The following ADD2 variants were observed in gnomAD, a reference collection of about 807,000 sequenced individuals.
ADD2 encodes adducin 2, also known as beta-adducin.
ADD2 carries 23 observed loss-of-function variants against 83.0 expected under a neutral mutation model. That is an observed-to-expected ratio of 0.28 (90% confidence interval 0.20 to 0.39). The LOEUF (loss-of-function observed/expected upper bound fraction) is 0.39. Among genes scored for constraint, ADD2 ranks in the 10% least tolerant of loss-of-function variants. ADD2 has a pLI of 1.00. For synonymous variants in ADD2, 375 were observed against 375.4 expected (o/e 1.00, Z 0.01); for missense variants, 758 against 944.9 (o/e 0.80, Z 2.59).
chr2:70,690,579 C>T (rs114368614), intron 8 of ADD2, among the ~76,000 whole-genome samples: 1 of 152,094 alleles, frequency 6.6e-6, no homozygotes, highest in South Asian at 2.1e-4. Flanking sequence ...TGAGGGAAAA[C>T]AACTTATTTT....
At chr2:70,755,460 T>G (rs1674722907) in intron 1 of ADD2, among the ~76,000 whole-genome samples, 1 of 152,234 alleles carries the variant, frequency 6.6e-6, no homozygotes, top group Admixed American at 6.5e-5. Context: ...TATCAATGCT[T>G]GAACCTGTTT....
chr2:70,672,888 CT>C lies in ADD2; in HGVS notation c.1859del (p.Lys620SerfsTer3). 1 of 1,612,528 alleles carries C rather than the reference CT, an allele frequency of 6.2e-7. No homozygotes were observed. Among genetic ancestry groups the C allele is most frequent in the Non-Finnish European group, 8.5e-7 (1 of 1,179,484 alleles). On this transcript the variant is annotated frameshift_variant, in exon 15 of 16. Transcript: ENST00000264436. LOFTEE classifies it high-confidence loss of function. ...ETKSPLVSPS[K>X]SLEEGTKKTE... ...CTCAGCTGGACTCACCCTCTAAAGA[CT>C]TGGAAGGAGAGACTAAAGGGCTCTT...
intron 1 of ADD2, among the ~76,000 whole-genome samples, chr2:70,748,136 T>C (rs1674325717): frequency 6.6e-6 from 1 of 152,122 alleles, no homozygotes; most frequent in Admixed American, 6.5e-5. Context: ...AACCTCCATA[T>C]AGTTTTTCTC....
At chr2:70,755,831 T>G (rs534125762) in intron 1 of ADD2, among the ~76,000 whole-genome samples, 146 of 151,716 alleles carry the variant, frequency 9.6e-4, no homozygotes, top group African/African-American at 3.2e-3. Context: ...GAGGCCGAGG[T>G]GGGCAGATCA....
intron 1 of ADD2, among the ~76,000 whole-genome samples, chr2:70,737,279 T>A (rs1224560653): frequency 1.3e-5 from 2 of 152,216 alleles, no homozygotes; most frequent in Admixed American, 6.5e-5. Flanking sequence ...TGCACAAGTA[T>A]GTTTATTGTG....
chr2:70,718,894 T>A (rs782705551), intron 1 of ADD2, among the ~76,000 whole-genome samples: 5 of 152,176 alleles, frequency 3.3e-5, no homozygotes, highest in African/African-American at 1.2e-4. Context: ...GGAATGGACA[T>A]CAGCAAGTGG....
intron 1 of ADD2, among the ~76,000 whole-genome samples, chr2:70,751,147 T>C (rs1674487232): frequency 6.6e-6 from 1 of 152,210 alleles, no homozygotes; most frequent in South Asian, 2.1e-4. Context: ...GCTTCATGTG[T>C]CTGATTTCTA....
Position 70,658,543 on chromosome 2 carries a change from CTT to C in ADD2, c.*4880_*4881del, listed in dbSNP as rs1361159177. ...AACAGATGATAGGCTGCCTCACTGGCTTTTAGATTGTAGGGTGCCCTGTCCTT... is the reference window on the plus strand; with the variant it reads ...AACAGATGATAGGCTGCCTCACTGGCTTAGATTGTAGGGTGCCCTGTCCTT... On this transcript the variant is annotated 3_prime_UTR_variant, in exon 16 of 16. Coordinates refer to ENST00000264436, the MANE Select transcript of ADD2 (RefSeq NM_001617.4). 1 of 152,186 alleles carries C rather than the reference CTT, an allele frequency of 6.6e-6. No individual in the cohort carries two copies. Among genetic ancestry groups the C allele is most frequent in the African/African-American group, 2.4e-5 (1 of 41,434 alleles). The allele number at this position is 152,186 out of a possible 1,614,324, so 9.4% of individuals were successfully genotyped here.
chr2:70,764,719 G>T (rs1384733374), intron 1 of ADD2, among the ~76,000 whole-genome samples: 1 of 151,810 alleles, frequency 6.6e-6, no homozygotes, highest in South Asian at 2.1e-4. Context: ...AGGAGGTCCC[G>T]GCTACAGGGA....
rs1217819196 is a variant in ADD2 at position 70,768,089 on chromosome 2, C to T, written c.-357G>A. 2.0e-6 allele frequency: 2 copies of T among 990,976 alleles called. No homozygotes were observed. The highest frequency in any genetic ancestry group is 3.3e-5 in the African/African-American group (2 of 60,670). The allele number at this position is 990,976 out of a possible 1,614,324, so 61.4% of individuals were successfully genotyped here. Reference sequence around the variant, plus strand: ...AGCGGCTCCGCGGCGGCGGGGATGACTGGCCACCGACGCCGCAGTTCCTTG... The same window carrying T: ...AGCGGCTCCGCGGCGGCGGGGATGATTGGCCACCGACGCCGCAGTTCCTTG... On this transcript the variant is annotated 5_prime_UTR_variant, in exon 1 of 16. Transcript: ENST00000264436.
chr2:70,729,739 T>C (rs1168182681), intron 1 of ADD2, among the ~76,000 whole-genome samples: 4 of 152,200 alleles, frequency 2.6e-5, no homozygotes, highest in Non-Finnish European at 5.9e-5. Context: ...GTTCCAGTCC[T>C]TTACACTTTC....
At chr2:70,705,527 AC>A (rs1671841765) in intron 3 of ADD2, among the ~76,000 whole-genome samples, 1 of 151,818 alleles carries the variant, frequency 6.6e-6, no homozygotes, top group East Asian at 1.9e-4. Context: ...CCTCAGTCAG[AC>A]CCCTCTTGCC....
At chr2:70,696,147 C>T in intron 5 of ADD2, 98 bp downstream of exon 5, 1 of 1,473,218 alleles carries the variant, frequency 6.8e-7, no homozygotes, top group Non-Finnish European at 9.2e-7. Flanking sequence ...CAAAGGTCAC[C>T]AGCAGTGCCA....
At chr2:70,684,237 G>A (rs1553370146) in intron 9 of ADD2, among the ~76,000 whole-genome samples, 1 of 151,774 alleles carries the variant, frequency 6.6e-6, no homozygotes, top group East Asian at 1.9e-4. Context: ...CTGTATGTTT[G>A]AAATATCTCC....
intron 14 of ADD2, among the ~76,000 whole-genome samples, chr2:70,674,465 A>T (rs1380156109): frequency 2.6e-5 from 4 of 152,158 alleles, no homozygotes; most frequent in African/African-American, 9.7e-5. Context: ...ACAAGTATTA[A>T]CTCCTTTATG....
At chr2:70,677,027 G>T (rs1553368496) in intron 12 of ADD2, 142 bp from the exon 13 acceptor site, 1 of 1,345,034 alleles carries the variant, frequency 7.4e-7, no homozygotes, top group Non-Finnish European at 9.8e-7. Context: ...TGCAATCCTT[G>T]TACTTTAAGG....
rs114207996 is a variant in ADD2 at position 70,755,393 on chromosome 2, C to G, written c.-154+12493G>C. On this transcript the variant is annotated intron_variant, in intron 1 of 15. Coordinates refer to ENST00000264436, the MANE Select transcript of ADD2 (RefSeq NM_001617.4). ...CCCAAAAGAGCCTTCCCTGACCACT[C>G]TGGCTAAAGCAGCCTCCTCCCTCAG... 4.5e-3 allele frequency among the ~76,000 whole-genome samples: 680 copies of G among 152,368 alleles called. 3 individuals are homozygous for G. Among genetic ancestry groups the G allele is most frequent in the African/African-American group, 0.016 (656 of 41,580 alleles).
rs1299204517 is a variant in ADD2 at position 70,658,051 on chromosome 2, A to G, written c.*5374T>C. ...CCAAACATCAATATAGCCAAACCTA[A>G]TATCACCTAAGTATGAACCAATGCG... On this transcript the variant is annotated 3_prime_UTR_variant, in exon 16 of 16. Coordinates refer to ENST00000264436, the MANE Select transcript of ADD2 (RefSeq NM_001617.4). 9.2e-5 allele frequency: 14 copies of G among 152,356 alleles called. No individual in the cohort carries two copies. Among genetic ancestry groups the G allele is most frequent in the African/African-American group, 2.4e-4 (10 of 41,584 alleles). 9.4% of individuals were successfully genotyped at this position (152,356 alleles called of 1,614,324 possible).
At chr2:70,718,647 G>A (rs1003917241) in intron 1 of ADD2, among the ~76,000 whole-genome samples, 2 of 152,168 alleles carry the variant, frequency 1.3e-5, no homozygotes, top group Non-Finnish European at 2.9e-5. Flanking sequence ...ACTCCAATAA[G>A]TGCCCAGTGC....
Sources: gnomAD v4.1 joint callset for allele counts (sites outside exome capture counted in the v4.1 genomes callset) on GRCh38, gnomAD v4.1.1 for gene constraint, MANE v1.5 for transcripts, NCBI Gene and HGNC (gene_info 2026-07-23, HGNC 2026-07-21) for gene names.